ADAM9: variants seen among roughly 807,000 people sequenced by gnomAD.
ADAM9 encodes the protein disintegrin and metalloproteinase domain-containing protein 9.
ADAM9 carries 54 observed loss-of-function variants against 108.1 expected under a neutral mutation model. That is an observed-to-expected ratio of 0.50 (90% CI 0.40 to 0.63). The LOEUF is 0.63. Among genes scored for constraint, ADAM9 ranks in the 20% least tolerant of loss-of-function variants. The pLI is 0.00. For missense variants in ADAM9, 830 were observed against 997.7 expected, an observed-to-expected ratio of 0.83 and a Z score of 2.26; for synonymous variants, 316 against 336.0, an observed-to-expected ratio of 0.94 and a Z score of 0.65.
At chr8:39,015,840 T>C (rs2129433011) in intron 4 of ADAM9, 1 of 389,028 alleles carries the variant, frequency 2.6e-6, no homozygotes, top group African/African-American at 2.0e-5. Flanking sequence ...ATGCATCTTG[T>C]TCTGCTTCTA....
rs1338228644 is a variant in ADAM9, at chr8:39,021,704, A to G, written c.734A>G (p.Tyr245Cys). ...VREEMILLAN[Y>C]LDSMYIMLNI... Reference sequence around the variant, plus strand: ...GAAGAGATGATTCTCCTGGCAAACTACTTGGATAGTGTAAGTTGTATTTTC... The same window carrying G: ...GAAGAGATGATTCTCCTGGCAAACTGCTTGGATAGTGTAAGTTGTATTTTC... Residue 245 changes from tyrosine to cysteine, a missense_variant, in exon 8 of 22, where the codon TAC becomes TGC. By Grantham distance (194) the Tyr-to-Cys change is radical. Around this residue, in one of 3 missense-constraint regions of ADAM9, gnomAD observed 381 missense variants for 539.8 expected, o/e 0.71. Coordinates refer to ENST00000487273, the MANE Select transcript of ADAM9 (RefSeq NM_003816.3). 1.9e-6 allele frequency: 3 copies of G among 1,613,028 alleles called. No individual in the cohort carries two copies. Among genetic ancestry groups the G allele is most frequent in the Non-Finnish European group, 1.7e-6 (2 of 1,179,054 alleles).
chr8:39,045,080 GTGCATACATACA>G (rs1369513503), intron 12 of ADAM9, among the ~76,000 whole-genome samples: 629 of 15,750 alleles, frequency 0.04, 72 homozygotes, highest in East Asian at 0.13. Flanking sequence ...ATATGTGTGT[GTGCATACATACA>G]TATGTGTGTG....
At chr8:39,069,160 G>A (rs183629343) in intron 14 of ADAM9, among the ~76,000 whole-genome samples, 1 of 151,854 alleles carries the variant, frequency 6.6e-6, no homozygotes, top group Non-Finnish European at 1.5e-5. Flanking sequence ...GATACATTGA[G>A]TCATTTATTA....
chr8:39,075,698 C>T (rs1297431893), intron 15 of ADAM9, among the ~76,000 whole-genome samples: 1 of 152,148 alleles, frequency 6.6e-6, no homozygotes. Context: ...ATCACCAAGC[C>T]TATGTATGAA....
intron 1 of ADAM9, among the ~76,000 whole-genome samples, chr8:39,006,551 T>C (rs1239698266): frequency 6.7e-6 from 1 of 149,996 alleles, no homozygotes. Context: ...TAAAAAGGTA[T>C]CATAGTCATC....
intron 2 of ADAM9, among the ~76,000 whole-genome samples, chr8:39,009,050 T>C (rs1836260060): frequency 6.6e-6 from 1 of 152,198 alleles, no homozygotes; most frequent in African/African-American, 2.4e-5. Context: ...GGAGTGGGCA[T>C]TGTAAAAAGA....
intron 1 of ADAM9, among the ~76,000 whole-genome samples, chr8:39,002,083 C>T (rs1415467806): frequency 6.8e-6 from 1 of 147,094 alleles, no homozygotes; most frequent in East Asian, 2.0e-4. Context: ...TTTGCACCAA[C>T]CTATTATATG....
chr8:39,018,266 C>T (rs555472130), intron 6 of ADAM9, among the ~76,000 whole-genome samples: 1 of 152,328 alleles, frequency 6.6e-6, no homozygotes, highest in Admixed American at 6.5e-5. Flanking sequence ...GCTATCCACT[C>T]TTTTGACTTG....
intron 9 of ADAM9, among the ~76,000 whole-genome samples, chr8:39,023,740 G>GTTTTTTTTTTTTT (rs869059346): frequency 3.8e-5 from 3 of 78,902 alleles, no homozygotes; most frequent in African/African-American, 5.3e-5. Flanking sequence ...TTTTGCGTTT[G>GTTTTTTTTTTTTT]TTTTTTTTTT....
chr8:39,025,603 A>G (rs1836895186), intron 9 of ADAM9, among the ~76,000 whole-genome samples, 200 bp from the exon 10 acceptor site: 1 of 152,200 alleles, frequency 6.6e-6, no homozygotes, highest in Non-Finnish European at 1.5e-5. Context: ...GGTATCCAGA[A>G]AGTGTCTTCA....
At chr8:39,045,479 CCT>C (rs1374226393) in intron 12 of ADAM9, among the ~76,000 whole-genome samples, 7 of 148,044 alleles carry the variant, frequency 4.7e-5, no homozygotes, top group Non-Finnish European at 1.0e-4. Flanking sequence ...TGTACACACA[CCT>C]ATATGTGCGT....
intron 11 of ADAM9, among the ~76,000 whole-genome samples, chr8:39,038,000 C>T (rs1837339097): frequency 6.6e-6 from 1 of 152,154 alleles, no homozygotes; most frequent in Non-Finnish European, 1.5e-5. Flanking sequence ...ACCTGGGAGT[C>T]ATTCTTGATT....
At chr8:39,039,121 TC>T (rs202050847) in intron 11 of ADAM9, among the ~76,000 whole-genome samples, 2,089 of 152,278 alleles carry the variant, frequency 0.014, 35 homozygotes, top group Middle Eastern at 0.027. Context: ...TTCTTAGAGT[TC>T]CTTGGATATA....
At chr8:39,014,126 T>TGTTA (rs759432939) in intron 4 of ADAM9, 83 bp downstream of exon 4, 1 of 1,104,032 alleles carries the variant, frequency 9.1e-7, no homozygotes, top group South Asian at 1.2e-5. Context: ...CACTCAGGAC[T>TGTTA]GTTACATTGC....
rs143095614 is a variant in ADAM9 at position 39,054,540 on chromosome 8, G to A, written c.1362G>A (p.Glu454=). ...GSTCKLKSFA[E]CAYGDCCKDC... Reference sequence around the variant, plus strand: ...CCTGTAAGCTTAAATCATTTGCTGAGTGTGCATATGGTGACTGTTGTAAAG... The same window carrying A: ...CCTGTAAGCTTAAATCATTTGCTGAATGTGCATATGGTGACTGTTGTAAAG... Residue 454 remains glutamate (E), a synonymous_variant, in exon 13 of 22, where the codon GAG becomes GAA. Transcript: ENST00000487273. 9.2e-5 allele frequency: 148 copies of A among 1,603,264 alleles called. No homozygotes were observed. Among genetic ancestry groups the A allele is most frequent in the Non-Finnish European group, 1.1e-4 (133 of 1,174,778 alleles).
intron 2 of ADAM9, 93 bp downstream of exon 2, chr8:39,008,076 T>C: frequency 7.5e-6 from 7 of 929,682 alleles, no homozygotes; most frequent in South Asian, 1.4e-5. Flanking sequence ...ATCAGTTCAG[T>C]GAGTTATTAC....
chr8:39,089,212 G>A (rs1016919805), intron 18 of ADAM9, among the ~76,000 whole-genome samples: 1 of 152,124 alleles, frequency 6.6e-6, no homozygotes, highest in Non-Finnish European at 1.5e-5. Flanking sequence ...TCGTGCCATT[G>A]CACTAGCCTG....
intron 1 of ADAM9, among the ~76,000 whole-genome samples, chr8:39,003,536 A>G (rs1323489450): frequency 6.6e-6 from 1 of 151,646 alleles, no homozygotes; most frequent in African/African-American, 2.4e-5. Flanking sequence ...TATGCAGGAT[A>G]TGAACAGGAA....
intron 18 of ADAM9, 177 bp from the exon 19 acceptor site, chr8:39,089,870 T>A: frequency 1.5e-6 from 1 of 664,254 alleles, no homozygotes; most frequent in South Asian, 1.8e-5. Flanking sequence ...GTTATTTTTG[T>A]GAAGGCAGAA....
Sources: gnomAD v4.1 joint callset for allele counts (sites outside exome capture counted in the v4.1 genomes callset) on GRCh38, gnomAD v4.1.1 for gene constraint, gnomAD v4.1.1 regional missense constraint, MANE v1.5 for transcripts, NCBI Gene and HGNC (gene_info 2026-07-23, HGNC 2026-07-21) for gene names.